CDC42BPA: variants seen among roughly 807,000 people sequenced by gnomAD.
The protein encoded by CDC42BPA is CDC42 binding protein kinase alpha, also known as serine/threonine-protein kinase MRCK alpha.
Under a neutral mutation model 223.5 loss-of-function variants are expected in CDC42BPA, and 80 were observed. The ratio of observed to expected loss-of-function variants is 0.36; its 90% CI spans 0.30 to 0.43. CDC42BPA has a LOEUF of 0.43. Ranked by LOEUF, CDC42BPA falls within the 20% of genes least tolerant of loss-of-function variation. The probability of loss-of-function intolerance (pLI) is 1.00; values close to 1 mark genes in which losing one functional copy is unlikely to be tolerated. For synonymous variants in CDC42BPA, 694 were observed against 718.6 expected (o/e 0.97, Z 0.55); for missense variants, 1,743 against 2,099.9 (o/e 0.83, Z 3.32).
chr1:227,175,622 A>C (rs1666819396), intron 5 of CDC42BPA, among the ~76,000 whole-genome samples: 1 of 152,096 alleles, frequency 6.6e-6, no homozygotes, highest in Non-Finnish European at 1.5e-5. Flanking sequence ...GGCACATCTG[A>C]TGAGTTTCTA....
At position 227,133,445 on chromosome 1, in the gene CDC42BPA, G is replaced by A. The variant is rs901158609; in HGVS notation, c.1391-4214C>T. On this transcript the variant is annotated intron_variant, in intron 10 of 36. Coordinates refer to ENST00000366766, the MANE Select transcript of CDC42BPA (RefSeq NM_001394014.1). ...GTGAGGAGCCCCTCTGCCCGGCCAC[G>A]ACCCCATCTGGGAGGTGTACCCAAC... Among the ~76,000 whole-genome samples, 6 of 152,282 alleles carry A rather than the reference G, an allele frequency of 3.9e-5. No individual in the cohort carries two copies. In the East Asian group the frequency reaches 9.7e-4, roughly 25 times the overall value.
In CDC42BPA at chr1:227,280,580, G is replaced by A. The variant is rs571559920; in HGVS notation, c.179-26425C>T. Among the ~76,000 whole-genome samples the A allele has an allele frequency of 2.6e-5, 4 of 152,300 alleles. No homozygotes were observed. The South Asian group carries it at 8.3e-4, about 32-fold the overall frequency. ...GATTCCCTTAAAACTATATGCATCCGCATATCCCTTGGAAAGTCTTCACGC... is the reference window on the plus strand; with the variant it reads ...GATTCCCTTAAAACTATATGCATCCACATATCCCTTGGAAAGTCTTCACGC... On this transcript the variant is annotated intron_variant, in intron 1 of 36. Coordinates refer to ENST00000366766, the MANE Select transcript of CDC42BPA (RefSeq NM_001394014.1).
chr1:226,992,392 G>A lies in CDC42BPA; in HGVS notation c.*1876C>T, dbSNP rs1003840967. ...TGTTACATGAAAATTCCCGATTATA[G>A]GTGCTTACAATGGAATCCCCAGCAG... On this transcript the variant is annotated 3_prime_UTR_variant, in exon 37 of 37. Transcript: ENST00000366766. 6.6e-6 allele frequency: 1 copy of A among 152,220 alleles called. No homozygotes were observed. The highest frequency in any genetic ancestry group is 1.5e-5 in the Non-Finnish European group (1 of 68,032). 9.4% of individuals were successfully genotyped at this position (152,220 alleles called of 1,614,324 possible).
intron 16 of CDC42BPA, among the ~76,000 whole-genome samples, chr1:227,081,516 A>G (rs12410431): frequency 0.28 from 42,775 of 150,420 alleles, 6,276 homozygotes; most frequent in African/African-American, 0.35. Flanking sequence ...ACAATGGCAC[A>G]TTCTCAACTC....
At chr1:227,038,140 GTC>G (rs1379363958) in intron 24 of CDC42BPA, among the ~76,000 whole-genome samples, 3 of 152,110 alleles carry the variant, frequency 2.0e-5, no homozygotes, top group Admixed American at 2.0e-4. Context: ...ATGGGGGCAG[GTC>G]TCTCTGTGCT....
At chr1:227,023,765 G>A (rs1667786556) in intron 31 of CDC42BPA, among the ~76,000 whole-genome samples, 1 of 152,154 alleles carries the variant, frequency 6.6e-6, no homozygotes, top group Admixed American at 6.5e-5. Flanking sequence ...AATAAATAGT[G>A]ATTGAGCAAC....
intron 1 of CDC42BPA, among the ~76,000 whole-genome samples, chr1:227,313,347 G>A (rs1693843520): frequency 6.6e-6 from 1 of 152,122 alleles, no homozygotes; most frequent in African/African-American, 2.4e-5. Flanking sequence ...CCAGTAACCA[G>A]TATCATCTGG....
At chr1:227,152,402 T>C (rs1452461113) in intron 6 of CDC42BPA, among the ~76,000 whole-genome samples, 1 of 152,220 alleles carries the variant, frequency 6.6e-6, no homozygotes, top group Non-Finnish European at 1.5e-5. Context: ...ATTTTTGTTG[T>C]GAGTGTTACA....
intron 3 of CDC42BPA, among the ~76,000 whole-genome samples, chr1:227,202,890 A>T (rs1254877090): frequency 6.6e-6 from 1 of 152,142 alleles, no homozygotes; most frequent in Non-Finnish European, 1.5e-5. Flanking sequence ...TGATCACACC[A>T]TCGCACTCTA....
intron 1 of CDC42BPA, among the ~76,000 whole-genome samples, chr1:227,311,177 G>A (rs1693470209): frequency 9.2e-6 from 1 of 108,666 alleles, no homozygotes; most frequent in South Asian, 3.5e-4. Flanking sequence ...AACATAATGA[G>A]ACCCCCCATC....
At chr1:227,050,839 G>A (rs11805662) in intron 22 of CDC42BPA, among the ~76,000 whole-genome samples, 8,196 of 152,024 alleles carry the variant, frequency 0.054, 250 homozygotes, top group Non-Finnish European at 0.072. Flanking sequence ...AGTGGGGAAC[G>A]GTATACACGA....
intron 21 of CDC42BPA, among the ~76,000 whole-genome samples, chr1:227,064,100 G>T (rs16846910): frequency 1.3e-5 from 2 of 151,946 alleles, no homozygotes; most frequent in African/African-American, 2.4e-5. Context: ...CCAGACTGTT[G>T]GGCTATAGAT....
Position 227,005,043 on chromosome 1 carries a change from G to A in CDC42BPA, c.4926C>T (p.Ser1642=). ...TCATGGAGCGGCCTGGCTCAGGGCG[G>A]GATTTGGTGATAGATGGAATACTGA... The part of the protein sequence containing the change: ...GSVSIPSITK[S]RPEPGRSMSA... The change falls in exon 35 of 37, where the codon TCC becomes TCT. Residue 1642 remains serine, a synonymous_variant. Transcript: ENST00000366766. The A allele has an allele frequency of 6.2e-7, 1 of 1,614,174 alleles. No individual in the cohort carries two copies.
At chr1:227,114,061 A>T (rs1373707424) in intron 12 of CDC42BPA, among the ~76,000 whole-genome samples, 1 of 151,740 alleles carries the variant, frequency 6.6e-6, no homozygotes, top group Non-Finnish European at 1.5e-5. Context: ...TAAATGTTAA[A>T]ATTAAAGACA....
intron 15 of CDC42BPA, among the ~76,000 whole-genome samples, chr1:227,097,503 G>A (rs1684225816): frequency 6.6e-6 from 1 of 152,152 alleles, no homozygotes; most frequent in Non-Finnish European, 1.5e-5. Flanking sequence ...ACCAGGAATG[G>A]CCACATCAGG....
At chr1:227,016,311 AAGAATAT>A (rs1471787220) in intron 33 of CDC42BPA, 114 bp from the exon 34 acceptor site, 1 of 692,118 alleles carries the variant, frequency 1.4e-6, no homozygotes, top group East Asian at 2.7e-5. Flanking sequence ...TCACATTAAT[AAGAATAT>A]AGAGTAACAG....
At chr1:227,174,904 C>T (rs1666701378) in intron 5 of CDC42BPA, among the ~76,000 whole-genome samples, 1 of 152,132 alleles carries the variant, frequency 6.6e-6, no homozygotes, top group African/African-American at 2.4e-5. Context: ...AGATTCTACG[C>T]AACAGAAAGC....
At chr1:227,126,164 T>A (rs935440355) in intron 11 of CDC42BPA, among the ~76,000 whole-genome samples, 1 of 152,132 alleles carries the variant, frequency 6.6e-6, no homozygotes, top group African/African-American at 2.4e-5. Flanking sequence ...TTCCCTAATA[T>A]ATACTGCTAG....
intron 2 of CDC42BPA, among the ~76,000 whole-genome samples, chr1:227,219,037 C>T (rs1675372672): frequency 6.6e-6 from 1 of 152,158 alleles, no homozygotes; most frequent in Non-Finnish European, 1.5e-5. Flanking sequence ...ATGCCCACAC[C>T]AGTTTGCCCC....
Sources: allele counts gnomAD v4.1 joint callset (sites outside exome capture counted in the v4.1 genomes callset), GRCh38; gene constraint gnomAD v4.1.1; transcripts MANE v1.5; gene names NCBI Gene and HGNC (gene_info 2026-07-23, HGNC 2026-07-21).